SLC25A13: variants seen among roughly 807,000 people sequenced by gnomAD.
SLC25A13 encodes the protein solute carrier family 25 member 13.
In SLC25A13, 70 loss-of-function variants were observed where a neutral mutation model predicts 85.5. That is an observed-to-expected ratio of 0.82 (90% CI 0.68 to 1.00). The LOEUF (loss-of-function observed/expected upper bound fraction) is 1.00, where lower values mean the gene tolerates loss of function less well. Among genes scored for constraint, SLC25A13 ranks in the 50% least tolerant of loss-of-function variants. SLC25A13 has a pLI of 0.00. For synonymous variants in SLC25A13, 259 were observed against 288.7 expected (o/e 0.90, Z 1.04); for missense variants, 765 against 819.8 (o/e 0.93, Z 0.82).
intron 2 of SLC25A13, among the ~76,000 whole-genome samples, chr7:96,285,738 C>T (rs752411152): frequency 5.3e-5 from 8 of 152,178 alleles, no homozygotes; most frequent in Non-Finnish European, 1.2e-4. Context: ...ATCTGAGCTC[C>T]TTTAAGATGT....
intron 15 of SLC25A13, among the ~76,000 whole-genome samples, chr7:96,125,558 A>G (rs1791690106): frequency 1.3e-5 from 2 of 152,210 alleles, no homozygotes; most frequent in African/African-American, 2.4e-5. Flanking sequence ...TTTTGAAAGT[A>G]TCCAGTATTA....
chr7:96,236,295 A>G (rs1472777998), intron 3 of SLC25A13, among the ~76,000 whole-genome samples: 1 of 151,962 alleles, frequency 6.6e-6, no homozygotes, highest in Non-Finnish European at 1.5e-5. Flanking sequence ...ATCCTCTACT[A>G]AGGTCTCTCT....
intron 3 of SLC25A13, among the ~76,000 whole-genome samples, chr7:96,253,102 A>G (rs965234389): frequency 5.3e-5 from 8 of 152,186 alleles, no homozygotes; most frequent in Admixed American, 6.5e-5. Context: ...TCAAAAAAGA[A>G]TCAATGGGCA....
chr7:96,164,367 C>T (rs963324487), intron 13 of SLC25A13, among the ~76,000 whole-genome samples: 2 of 152,130 alleles, frequency 1.3e-5, no homozygotes, highest in Admixed American at 6.5e-5. Context: ...AGCTGCCTCA[C>T]CACTCCAGCT....
chr7:96,129,577 A>T (rs959895565), intron 15 of SLC25A13, among the ~76,000 whole-genome samples: 20 of 152,270 alleles, frequency 1.3e-4, no homozygotes, highest in African/African-American at 4.8e-4. Flanking sequence ...TGCAGCAATT[A>T]GAAACTATGT....
chr7:96,283,681 G>A, intron 2 of SLC25A13: 2 of 291,802 alleles, frequency 6.9e-6, no homozygotes, highest in South Asian at 7.1e-5. Context: ...TGAAATGCAT[G>A]AAGAAAAATG....
intron 1 of SLC25A13, among the ~76,000 whole-genome samples, chr7:96,301,467 G>C (rs1236519243): frequency 6.6e-6 from 1 of 152,084 alleles, no homozygotes; most frequent in East Asian, 1.9e-4. Flanking sequence ...TTTAAATCAA[G>C]TAACTGGTTT....
chr7:96,176,779 G>C (rs1480079107), intron 11 of SLC25A13, among the ~76,000 whole-genome samples: 1 of 152,168 alleles, frequency 6.6e-6, no homozygotes, highest in African/African-American at 2.4e-5. Flanking sequence ...GGTTGGAAGG[G>C]ATTATGAAAG....
intron 14 of SLC25A13, among the ~76,000 whole-genome samples, chr7:96,136,996 G>A (rs769642202): frequency 2.6e-5 from 4 of 152,192 alleles, no homozygotes; most frequent in Non-Finnish European, 5.9e-5. Context: ...TATTTGGCAT[G>A]TATAATTATA....
chr7:96,209,811 G>C (rs1795620150), intron 4 of SLC25A13, among the ~76,000 whole-genome samples: 1 of 152,066 alleles, frequency 6.6e-6, no homozygotes, highest in Admixed American at 6.6e-5. Flanking sequence ...TCCTCCTCTT[G>C]ATAAAAGTAT....
chr7:96,207,671 T>G (rs1045695714), intron 5 of SLC25A13, among the ~76,000 whole-genome samples: 1 of 152,154 alleles, frequency 6.6e-6, no homozygotes, highest in African/African-American at 2.4e-5. Context: ...AGTGACTACA[T>G]GATAATGTTG....
chr7:96,156,089 C>CT (rs1158994505), intron 13 of SLC25A13, among the ~76,000 whole-genome samples: 1 of 152,068 alleles, frequency 6.6e-6, no homozygotes, highest in African/African-American at 2.4e-5. Context: ...ATTCCTGTGA[C>CT]TTTAAGAGCT....
At chr7:96,125,249 C>T (rs57998020) in intron 15 of SLC25A13, among the ~76,000 whole-genome samples, 2,140 of 152,120 alleles carry the variant, frequency 0.014, 51 homozygotes, top group African/African-American at 0.049. Flanking sequence ...CCAGCACGCC[C>T]GGCTATTTTT....
intron 2 of SLC25A13, among the ~76,000 whole-genome samples, chr7:96,285,603 G>A (rs923840439): frequency 1.3e-5 from 2 of 152,000 alleles, no homozygotes; most frequent in African/African-American, 4.8e-5. Flanking sequence ...TCCACAATGG[G>A]GGCTGCTCCC....
chr7:96,178,769 C>T lies in SLC25A13; in HGVS notation c.1177+5508G>A, dbSNP rs780104403. 1.1e-4 allele frequency among the ~76,000 whole-genome samples: 16 copies of T among 152,196 alleles called. No homozygotes were observed. The South Asian group carries it at 2.1e-3, about 20-fold the overall frequency. On this transcript the variant is annotated intron_variant, in intron 11 of 17. Transcript: ENST00000265631. The stretch of plus-strand genomic sequence containing the variant: ...TTCTCTCTTCACTTGCTCAAGCATT[C>T]TTTCCTCCCTCCTCCTCCTCCCATT...
intron 1 of SLC25A13, 117 bp downstream of exon 1, chr7:96,321,825 C>T: frequency 1.5e-6 from 2 of 1,303,352 alleles, no homozygotes; most frequent in Non-Finnish European, 2.0e-6. Flanking sequence ...AACGGCTGCC[C>T]GGCACCCCAT....
intron 14 of SLC25A13, among the ~76,000 whole-genome samples, chr7:96,141,953 T>C (rs1277765864): frequency 6.6e-6 from 1 of 152,204 alleles, no homozygotes; most frequent in Non-Finnish European, 1.5e-5. Flanking sequence ...ACCATGGCAT[T>C]GCTTGATATA....
chr7:96,231,622 A>G (rs1275954769), intron 4 of SLC25A13, among the ~76,000 whole-genome samples: 1 of 151,542 alleles, frequency 6.6e-6, no homozygotes, highest in Non-Finnish European at 1.5e-5. Context: ...CACTCGAGAA[A>G]CTCAGGCAGG....
At chr7:96,158,070 T>C (rs1158593332) in intron 13 of SLC25A13, among the ~76,000 whole-genome samples, 1 of 152,220 alleles carries the variant, frequency 6.6e-6, no homozygotes, top group East Asian at 1.9e-4. Context: ...ATACATTATC[T>C]AAAGGATAAG....
Sources: gnomAD v4.1 joint callset for allele counts (sites outside exome capture counted in the v4.1 genomes callset) on GRCh38, gnomAD v4.1.1 for gene constraint, MANE v1.5 for transcripts, NCBI Gene and HGNC (gene_info 2026-07-23, HGNC 2026-07-21) for gene names.